The following SVIL variants were observed in gnomAD, a reference collection of about 807,000 sequenced individuals.
The protein encoded by SVIL is archvillin.
SVIL carries 101 observed loss-of-function variants against 240.4 expected under a neutral mutation model. The observed-to-expected ratio is 0.42, with a 90% CI of 0.36 to 0.50. SVIL has a LOEUF of 0.50. SVIL is among the 20% of genes least tolerant of loss of function. The pLI is 0.01. For missense variants in SVIL, 2,512 were observed against 2,818.7 expected, an observed-to-expected ratio of 0.89 and a Z score of 2.46; for synonymous variants, 999 against 1,100.0, an observed-to-expected ratio of 0.91 and a Z score of 1.82.
At chr10:29,623,138 A>G (rs974453329) in intron 1 of SVIL, among the ~76,000 whole-genome samples, 1 of 152,090 alleles carries the variant, frequency 6.6e-6, no homozygotes, top group Non-Finnish European at 1.5e-5. Context: ...AGTATTTTAG[A>G]TTTTTCCTCT....
intron 26 of SVIL, 78 bp downstream of exon 26, chr10:29,486,007 T>C: frequency 6.5e-7 from 1 of 1,537,134 alleles, no homozygotes. Flanking sequence ...GGGAACTTAC[T>C]CTCTAATCTA....
intron 17 of SVIL, among the ~76,000 whole-genome samples, chr10:29,500,568 C>T (rs1196541492): frequency 6.6e-6 from 1 of 152,206 alleles, no homozygotes; most frequent in Non-Finnish European, 1.5e-5. Flanking sequence ...CAAACTACAT[C>T]TGAGCACTCC....
intron 16 of SVIL, among the ~76,000 whole-genome samples, chr10:29,514,588 C>A (rs1950086109): frequency 6.6e-6 from 1 of 152,060 alleles, no homozygotes; most frequent in Non-Finnish European, 1.5e-5. Flanking sequence ...TGCTATGTTG[C>A]CCAGGGCAGT....
rs375482424 is a variant in SVIL at position 29,531,991 on chromosome 10, C to T, written c.2009+11G>A. The T allele has an allele frequency of 2.1e-4, 345 of 1,613,882 alleles. No individual in the cohort carries two copies. The highest frequency in any genetic ancestry group is 4.4e-4 in the African/African-American group (33 of 75,046). The stretch of plus-strand genomic sequence containing the variant: ...TTCCTGGATGAGGAAACTGCGCATA[C>T]GCATGCCTACCTATCCGATTCCTTT... On this transcript the variant is annotated intron_variant, in intron 9 of 37. Coordinates refer to ENST00000355867, the MANE Select transcript of SVIL (RefSeq NM_021738.3).
intron 1 of SVIL, among the ~76,000 whole-genome samples, chr10:29,724,370 A>ACACACACAC (rs1964164034): frequency 6.8e-6 from 1 of 146,066 alleles, no homozygotes; most frequent in African/African-American, 2.5e-5. Flanking sequence ...GAGGATTTAA[A>ACACACACAC]ACACACACAC....
chr10:29,601,807 G>A (rs981929216), intron 1 of SVIL, among the ~76,000 whole-genome samples: 1 of 152,196 alleles, frequency 6.6e-6, no homozygotes, highest in Non-Finnish European at 1.5e-5. Context: ...CACCATGCAG[G>A]CTTCTGATTC....
chr10:29,695,267 G>A (rs1450825033), intron 1 of SVIL, among the ~76,000 whole-genome samples: 1 of 152,056 alleles, frequency 6.6e-6, no homozygotes, highest in African/African-American at 2.4e-5. Flanking sequence ...TCACCTTGAC[G>A]TCTCCTATGA....
At chr10:29,458,675 T>C in intron 36 of SVIL, 86 bp from the exon 37 acceptor site, 5 of 1,470,516 alleles carry the variant, frequency 3.4e-6, no homozygotes, top group Non-Finnish European at 4.6e-6. Context: ...CACAGCCCTG[T>C]GCCACCTGCA....
chr10:29,540,810 C>T (rs1268040683), intron 6 of SVIL, among the ~76,000 whole-genome samples: 1 of 152,196 alleles, frequency 6.6e-6, no homozygotes, highest in Admixed American at 6.5e-5. Context: ...ATGAATTCTG[C>T]AGAACCTAAC....
At position 29,530,660 on chromosome 10, in the gene SVIL, T is replaced by G. The variant is rs1951293613; in HGVS notation, c.2053A>C (p.Lys685Gln). Residue 685 changes from lysine to glutamine, a missense_variant, in exon 11 of 38, where the codon AAG becomes CAG. Lys to Gln is a moderately conservative substitution (Grantham distance 53). Around this residue, in one of 3 missense-constraint regions of SVIL, gnomAD observed 1,443 missense variants for 1,486.6 expected, o/e 0.97. Transcript: ENST00000355867. Reference sequence around the variant, plus strand: ...CTCAGCTTGGCTCGTTCATCCACCTTTTCTTCATCTGCAAAAAGCCACAAA... The same window carrying G: ...CTCAGCTTGGCTCGTTCATCCACCTGTTCTTCATCTGCAAAAAGCCACAAA... ...SETPTVDDEE[K>Q]VDERAKLSVA... 1 of 1,614,156 alleles carries G rather than the reference T, an allele frequency of 6.2e-7. No homozygotes were observed. The highest frequency in any genetic ancestry group is 8.5e-7 in the Non-Finnish European group (1 of 1,180,000).
chr10:29,467,867 A>G lies in SVIL; in HGVS notation c.5852T>C (p.Leu1951Pro), dbSNP rs368074251. The G allele has an allele frequency of 1.9e-6, 3 of 1,614,072 alleles. No individual in the cohort carries two copies. In the African/African-American group the frequency reaches 4.0e-5, roughly 22 times the overall value. ...AANKIKEQCP[L>P]EAGLHSSSKV... ...GCTGCTACTATGCAGTCCTGCTTCC[A>G]GGGGACATCTGCAAGGGAGAAACTC... The change falls in exon 33 of 38, where the codon CTG becomes CCG. Residue 1951 changes from leucine (L) to proline (P), a missense_variant. Leu to Pro is a moderately conservative substitution (Grantham distance 98, BLOSUM62 -3). Coordinates refer to ENST00000355867, the MANE Select transcript of SVIL (RefSeq NM_021738.3).
intron 1 of SVIL, among the ~76,000 whole-genome samples, chr10:29,721,472 G>A (rs1441091207): frequency 3.3e-5 from 5 of 150,452 alleles, no homozygotes; most frequent in African/African-American, 1.2e-4. Context: ...CAAAAAAAAA[G>A]CACTTTAAAT....
At chr10:29,670,112 C>T (rs1392267466) in intron 2 of SVIL, among the ~76,000 whole-genome samples, 1 of 147,478 alleles carries the variant, frequency 6.8e-6, no homozygotes, top group Non-Finnish European at 1.5e-5. Flanking sequence ...GAGACTCCAT[C>T]TCAAAAAAAA....
Position 29,533,288 on chromosome 10 carries a change from G to T in SVIL, c.1079C>A (p.Thr360Lys). 1.2e-6 allele frequency: 2 copies of T among 1,614,146 alleles called. No individual in the cohort carries two copies. The highest frequency in any genetic ancestry group is 1.6e-4 in the Middle Eastern group (1 of 6,062). Residue 360 changes from threonine (T) to lysine (K), a missense_variant, in exon 8 of 38, where the codon ACA (threonine) becomes AAA (lysine). Thr to Lys is a moderately conservative substitution (Grantham distance 78). Transcript: ENST00000355867. ...GACATAGCCACGGATTGGCTGTCGT[G>T]TAGAGCCTGCTGCCTTGCTGGGGAC... ...DRVPSKAAGS[T>K]RQPIRGYVQP...
chr10:29,647,319 T>C (rs1958691831), intron 3 of SVIL: 1 of 152,180 alleles, frequency 6.6e-6, no homozygotes, highest in Non-Finnish European at 1.5e-5. Flanking sequence ...TTTCTTTTCT[T>C]GCTTTCTTTT....
In SVIL at chr10:29,480,699, C is replaced by T; in HGVS notation, c.5215G>A (p.Val1739Met). Residue 1739 changes from valine to methionine, a missense_variant, in exon 29 of 38, where the codon GTG (valine) becomes ATG (methionine). Val to Met is a conservative substitution (Grantham distance 21). Coordinates refer to ENST00000355867, the MANE Select transcript of SVIL (RefSeq NM_021738.3). ...AACTGCCTCCTGTCGTGTCCTTCCA[C>T]CAGGCCATAGCCACGGCCGACGTTC... ...GVNVGRGYGL[V>M]EGHDRRQFEI... 5 of 1,614,182 alleles carry T rather than the reference C, an allele frequency of 3.1e-6. No individual in the cohort carries two copies. Among genetic ancestry groups the T allele is most frequent in the Admixed American group, 1.7e-5 (1 of 60,024 alleles).
chr10:29,673,837 C>T (rs906408260), intron 2 of SVIL, among the ~76,000 whole-genome samples: 3 of 152,122 alleles, frequency 2.0e-5, no homozygotes, highest in African/African-American at 7.2e-5. Context: ...CAGCAAAGTA[C>T]AGGGTTAACA....
intron 1 of SVIL, among the ~76,000 whole-genome samples, chr10:29,716,016 C>T (rs541485274): frequency 1.3e-5 from 2 of 152,278 alleles, no homozygotes; most frequent in East Asian, 1.9e-4. Context: ...TAATGCATTG[C>T]TTTGGTAGAA....
Position 29,588,912 on chromosome 10 carries a change from C to CA in SVIL, c.-200-19601dup. ...CACTTGCCTCACTTCCTACCTCCCCCACCCCCCCTTTTATTCCTTGTCCTT... is the reference window on the plus strand; with the variant it reads ...CACTTGCCTCACTTCCTACCTCCCCCAACCCCCCCTTTTATTCCTTGTCCTT... On this transcript the variant is annotated intron_variant, in intron 1 of 37. Coordinates refer to ENST00000355867, the MANE Select transcript of SVIL (RefSeq NM_021738.3). Among the ~76,000 whole-genome samples the CA allele has an allele frequency of 1.3e-5, 2 of 152,060 alleles. 1 individual carries two copies. Among genetic ancestry groups the CA allele is most frequent in the Non-Finnish European group, 2.9e-5 (2 of 67,990 alleles).
Sources: allele counts gnomAD v4.1 joint callset (sites outside exome capture counted in the v4.1 genomes callset), GRCh38; gene constraint gnomAD v4.1.1; regional missense constraint gnomAD v4.1.1; transcripts MANE v1.5; gene names NCBI Gene and HGNC (gene_info 2026-07-23, HGNC 2026-07-21).